Variants in LHFPL3 observed in about 807,000 individuals in gnomAD.
The protein encoded by LHFPL3 is LHFPL tetraspan subfamily member 3.
Under a neutral mutation model 19.3 loss-of-function variants are expected in LHFPL3, and 5 were observed. The observed-to-expected ratio is 0.26, with a 90% CI of 0.14 to 0.54. LHFPL3 has a LOEUF of 0.54. Ranked by LOEUF, LHFPL3 falls within the 20% of genes least tolerant of loss-of-function variation. LHFPL3 has a pLI of 0.94. For synonymous variants in LHFPL3, 133 were observed against 126.2 expected, an observed-to-expected ratio of 1.05 and a Z score of -0.36; for missense variants, 249 against 307.4, an observed-to-expected ratio of 0.81 and a Z score of 1.42.
intron 1 of LHFPL3, among the ~76,000 whole-genome samples, chr7:104,711,466 A>G (rs1050936446): frequency 6.6e-6 from 1 of 152,238 alleles, no homozygotes; most frequent in Non-Finnish European, 1.5e-5. Context: ...GGCTTGATTC[A>G]AGATGGAGAT....
At chr7:104,852,135 A>T (rs1425462119) in intron 2 of LHFPL3, among the ~76,000 whole-genome samples, 1 of 152,136 alleles carries the variant, frequency 6.6e-6, no homozygotes, top group Non-Finnish European at 1.5e-5. Flanking sequence ...AAAGAGCCTC[A>T]CCAGCATTAA....
intron 2 of LHFPL3, among the ~76,000 whole-genome samples, chr7:104,748,685 C>G (rs928023300): frequency 6.6e-6 from 1 of 152,060 alleles, no homozygotes; most frequent in Non-Finnish European, 1.5e-5. Flanking sequence ...GACACATCCC[C>G]CTCTTGGAGA....
At chr7:104,428,557 T>C (rs1791892538) in intron 1 of LHFPL3, among the ~76,000 whole-genome samples, 1 of 151,698 alleles carries the variant, frequency 6.6e-6, no homozygotes, top group South Asian at 2.1e-4. Flanking sequence ...GAATTTTTAC[T>C]TAATCAGATC....
At chr7:104,633,352 A>G (rs1446048886) in intron 1 of LHFPL3, among the ~76,000 whole-genome samples, 2 of 152,198 alleles carry the variant, frequency 1.3e-5, no homozygotes, top group African/African-American at 4.8e-5. Flanking sequence ...TATCCACAAC[A>G]GGCATTTTGT....
chr7:104,389,069 A>G (rs552350007), intron 1 of LHFPL3, among the ~76,000 whole-genome samples: 1 of 152,296 alleles, frequency 6.6e-6, no homozygotes, highest in Admixed American at 6.5e-5. Flanking sequence ...TTGGAAAGGA[A>G]GAAGTAAAAC....
intron 1 of LHFPL3, among the ~76,000 whole-genome samples, chr7:104,682,016 C>T (rs1792713850): frequency 6.6e-6 from 1 of 152,102 alleles, no homozygotes; most frequent in Non-Finnish European, 1.5e-5. Context: ...TACATCTCTT[C>T]AAGAGAGATT....
intron 1 of LHFPL3, among the ~76,000 whole-genome samples, chr7:104,545,128 C>A (rs1419376923): frequency 6.6e-6 from 1 of 152,192 alleles, no homozygotes; most frequent in Non-Finnish European, 1.5e-5. Context: ...TTAGGGCCAA[C>A]TGACTAACAA....
chr7:104,494,291 G>A (rs1301736706), intron 1 of LHFPL3, among the ~76,000 whole-genome samples: 1 of 152,276 alleles, frequency 6.6e-6, no homozygotes, highest in South Asian at 2.1e-4. Context: ...CATGCCCTGA[G>A]CCATCTGGTG....
intron 1 of LHFPL3, among the ~76,000 whole-genome samples, chr7:104,636,625 T>C (rs1175180803): frequency 1.3e-5 from 2 of 152,114 alleles, no homozygotes; most frequent in Non-Finnish European, 2.9e-5. Context: ...GGTAAGAACA[T>C]GTGGTGTTTG....
At chr7:104,616,171 T>C (rs1791333889) in intron 1 of LHFPL3, among the ~76,000 whole-genome samples, 1 of 152,068 alleles carries the variant, frequency 6.6e-6, no homozygotes, top group Non-Finnish European at 1.5e-5. Context: ...AAAGAGCCCA[T>C]ATAGCCAAGA....
At chr7:104,778,520 C>T (rs908258581) in intron 2 of LHFPL3, among the ~76,000 whole-genome samples, 15 of 152,208 alleles carry the variant, frequency 9.9e-5, no homozygotes, top group African/African-American at 3.6e-4. Flanking sequence ...AATTAAAACC[C>T]TTCACTCTGT....
intron 1 of LHFPL3, among the ~76,000 whole-genome samples, chr7:104,679,613 T>C (rs1792657004): frequency 6.6e-6 from 1 of 152,264 alleles, no homozygotes; most frequent in African/African-American, 2.4e-5. Context: ...AGAACCTGAA[T>C]AGAACTTACA....
intron 2 of LHFPL3, among the ~76,000 whole-genome samples, chr7:104,832,708 G>A (rs536726604): frequency 2.7e-5 from 4 of 147,866 alleles, no homozygotes; most frequent in South Asian, 2.1e-4. Context: ...TGGGCACGGT[G>A]GCTCACTCCT....
At chr7:104,548,394 A>G (rs1794609325) in intron 1 of LHFPL3, among the ~76,000 whole-genome samples, 1 of 152,196 alleles carries the variant, frequency 6.6e-6, no homozygotes, top group African/African-American at 2.4e-5. Context: ...GGGGATTTTA[A>G]AAATTAAATG....
At chr7:104,881,663 T>C (rs1338611445) in intron 2 of LHFPL3, among the ~76,000 whole-genome samples, 1 of 152,206 alleles carries the variant, frequency 6.6e-6, no homozygotes, top group Non-Finnish European at 1.5e-5. Flanking sequence ...ATTTCAAATT[T>C]TACATAAACT....
intron 1 of LHFPL3, among the ~76,000 whole-genome samples, chr7:104,683,060 G>C (rs1792739450): frequency 6.6e-6 from 1 of 152,178 alleles, no homozygotes; most frequent in Admixed American, 6.5e-5. Flanking sequence ...CGTGATCTCG[G>C]CTCACTGCAA....
intron 1 of LHFPL3, among the ~76,000 whole-genome samples, chr7:104,607,684 A>C (rs1791128941): frequency 6.6e-6 from 1 of 152,182 alleles, no homozygotes; most frequent in Non-Finnish European, 1.5e-5. Flanking sequence ...GCACAGCAAA[A>C]GAAACTACCG....
At chr7:104,754,015 C>G (rs1441277383) in intron 2 of LHFPL3, among the ~76,000 whole-genome samples, 1 of 152,138 alleles carries the variant, frequency 6.6e-6, no homozygotes, top group African/African-American at 2.4e-5. Flanking sequence ...CAGGAAATTT[C>G]TCACTTGGGC....
At chr7:104,885,071 C>T (rs929972706) in intron 2 of LHFPL3, among the ~76,000 whole-genome samples, 3 of 152,194 alleles carry the variant, frequency 2.0e-5, no homozygotes, top group African/African-American at 7.2e-5. Flanking sequence ...GTAGGTGCAG[C>T]GTGGACTAGT....
Sources: allele counts gnomAD v4.1 joint callset (sites outside exome capture counted in the v4.1 genomes callset), GRCh38; gene constraint gnomAD v4.1.1; transcripts MANE v1.5; gene names NCBI Gene and HGNC (gene_info 2026-07-23, HGNC 2026-07-21).